The following APLP1 variants were observed in gnomAD, a reference collection of about 807,000 sequenced individuals.
APLP1 encodes the protein amyloid beta (A4) precursor-like protein 1.
Under a neutral mutation model 84.5 loss-of-function variants are expected in APLP1, and 46 were observed. The ratio of observed to expected loss-of-function variants is 0.54; its 90% CI spans 0.43 to 0.70. The LOEUF (loss-of-function observed/expected upper bound fraction) is 0.70, where lower values mean the gene tolerates loss of function less well. APLP1 is among the 30% of genes least tolerant of loss of function. The pLI is 0.00. For missense variants in APLP1, 826 were observed against 900.2 expected (o/e 0.92, Z 1.05); for synonymous variants, 376 against 364.0 (o/e 1.03, Z -0.38).
chr19:35,875,637 T>G (rs1309864860), intron 10 of APLP1, among the ~76,000 whole-genome samples: 3 of 152,132 alleles, frequency 2.0e-5, no homozygotes, highest in Admixed American at 6.5e-5. Flanking sequence ...AATTTTTGTA[T>G]TTTTGGTAGA....
intron 12 of APLP1, 113 bp from the exon 13 acceptor site, chr19:35,877,969 C>T (rs1167570241): frequency 2.2e-6 from 3 of 1,366,180 alleles, no homozygotes; most frequent in Non-Finnish European, 3.1e-6. Context: ...GCAGGGGCCT[C>T]TGTAGGATCC....
chr19:35,871,870 C>A lies in APLP1; in HGVS notation c.684C>A (p.Thr228=), dbSNP rs1249496534. ...CCTGCTCCCTCAGTGACCCCTCCAC[C>A]CGGTCCTGGCCCCCGGGGAGCAGAG... The part of the protein sequence containing the change: ...PSGTAVGDPS[T]RSWPPGSRVE... Residue 228 remains threonine (T), a synonymous_variant, in exon 6 of 17, where the codon ACC becomes ACA. Transcript: ENST00000221891. The A allele has an allele frequency of 1.9e-6, 3 of 1,613,886 alleles. No individual in the cohort carries two copies. Among genetic ancestry groups the A allele is most frequent in the Admixed American group, 3.3e-5 (2 of 59,986 alleles).
intron 5 of APLP1, 51 bp downstream of exon 5, chr19:35,871,796 G>A (rs1008550053): frequency 6.2e-7 from 1 of 1,613,424 alleles, no homozygotes; most frequent in Middle Eastern, 1.7e-4. Context: ...TGAGGCAGGG[G>A]ATGGAAGCCT....
In APLP1 at chr19:35,871,364, C is replaced by T. The variant is rs776573805; in HGVS notation, c.537+15C>T. On this transcript the variant is annotated intron_variant, in intron 4 of 16. Transcript: ENST00000221891. ...AGGCACAGGAGGTCAGGACGTTGGCCCACCCGTCCCCAGCCCCCACAACCC... is the reference window on the plus strand; with the variant it reads ...AGGCACAGGAGGTCAGGACGTTGGCTCACCCGTCCCCAGCCCCCACAACCC... The T allele has an allele frequency of 3.8e-6, 6 of 1,586,552 alleles. No individual in the cohort carries two copies. The African/African-American group carries it at 8.1e-5, about 21-fold the overall frequency.
chr19:35,872,533 C>T lies in APLP1; in HGVS notation c.901C>T (p.Pro301Ser). ...TDGVDIYFGM[P>S]GEISEHEGFL... Reference sequence around the variant, plus strand: ...CGGTGTGGATATTTACTTTGGCATGCCTGGGGAAATCAGTGAGCACGAGGG... The same window carrying T: ...CGGTGTGGATATTTACTTTGGCATGTCTGGGGAAATCAGTGAGCACGAGGG... The change falls in exon 7 of 17, where the codon CCT (proline) becomes TCT (serine). Residue 301 changes from proline (P) to serine (S), a missense_variant. Transcript: ENST00000221891. The T allele has an allele frequency of 6.2e-7, 1 of 1,613,838 alleles. No individual in the cohort carries two copies. Among genetic ancestry groups the T allele is most frequent in the Non-Finnish European group, 8.5e-7 (1 of 1,179,916 alleles).
chr19:35,877,000 A>T (rs912591890), intron 11 of APLP1, among the ~76,000 whole-genome samples: 12 of 152,156 alleles, frequency 7.9e-5, no homozygotes, highest in African/African-American at 2.9e-4. Context: ...GCTCTCTAAG[A>T]CATCACAGTG....
At chr19:35,871,157 G>A in intron 3 of APLP1, 80 bp from the exon 4 acceptor site, 2 of 1,541,618 alleles carry the variant, frequency 1.3e-6, no homozygotes, top group East Asian at 2.4e-5. Context: ...AAGCCTCTGA[G>A]GATAAAATAT....
rs111419351 is a variant in APLP1 at position 35,871,647 on chromosome 19, G to A, written c.573G>A (p.Ser191=). The change falls in exon 5 of 17, where the codon TCG becomes TCA. Residue 191 remains serine, a synonymous_variant. Transcript: ENST00000221891. ...CSSQGLILHG[S]GMLLPCGSDR... ...CCCAGGGCCTCATCCTGCACGGCTC[G>A]GGCATGCTCTTACCCTGTGGCTCGG... The A allele has an allele frequency of 5.0e-5, 80 of 1,613,934 alleles. No individual in the cohort carries two copies. Among genetic ancestry groups the A allele is most frequent in the African/African-American group, 2.8e-4 (21 of 74,992 alleles).
At chr19:35,872,326 C>T (rs1270207013) in intron 6 of APLP1, among the ~76,000 whole-genome samples, 157 bp from the exon 7 acceptor site, 3 of 152,018 alleles carry the variant, frequency 2.0e-5, no homozygotes, top group African/African-American at 7.3e-5. Context: ...AGAACAGGCC[C>T]AGTCCAGAAC....
In APLP1 at chr19:35,877,836, C is replaced by A; in HGVS notation, c.1552+11C>A. On this transcript the variant is annotated intron_variant, in intron 12 of 16. Transcript: ENST00000221891. ...CAGATTCCAAGGATGGTGAGTGAGCCCACATATAGATGACCCCAGACATTA... is the reference window on the plus strand; with the variant it reads ...CAGATTCCAAGGATGGTGAGTGAGCACACATATAGATGACCCCAGACATTA... The A allele has an allele frequency of 6.2e-7, 1 of 1,600,816 alleles. No homozygotes were observed. Among genetic ancestry groups the A allele is most frequent in the Non-Finnish European group, 8.5e-7 (1 of 1,171,606 alleles).
At chr19:35,871,204 AGGATCTCACCCT>A in intron 3 of APLP1, 21 bp from the exon 4 acceptor site, 1 of 1,599,832 alleles carries the variant, frequency 6.3e-7, no homozygotes, top group Non-Finnish European at 8.5e-7. Context: ...TGGCTATAGG[AGGATCTCACCCT>A]GGTGTCCCGT....
At position 35,877,807 on chromosome 19, in the gene APLP1, C is replaced by T. The variant is rs767935699; in HGVS notation, c.1534C>T (p.Pro512Ser). 1 of 1,610,486 alleles carries T rather than the reference C, an allele frequency of 6.2e-7. No individual in the cohort carries two copies. Among genetic ancestry groups the T allele is most frequent in the Non-Finnish European group, 8.5e-7 (1 of 1,178,982 alleles). ...CAGCGAGGACAAGGGTGGGCTGCAGCCTCCAGATTCCAAGGATGGTGAGTG... is the reference window on the plus strand; with the variant it reads ...CAGCGAGGACAAGGGTGGGCTGCAGTCTCCAGATTCCAAGGATGGTGAGTG... ...GSSEDKGGLQ[P>S]PDSKDADTPM... The change falls in exon 12 of 17, where the codon CCT becomes TCT. Residue 512 changes from proline to serine, a missense_variant. Physicochemically the swap from Pro to Ser is moderately conservative, Grantham distance 74. Around this residue, in one of 3 missense-constraint regions of APLP1, gnomAD observed 433 missense variants for 496.5 expected, o/e 0.87. Transcript: ENST00000221891.
chr19:35,875,329 T>C (rs1974258340), intron 10 of APLP1, among the ~76,000 whole-genome samples: 1 of 100,176 alleles, frequency 1.0e-5, no homozygotes, highest in South Asian at 2.7e-4. Context: ...ACTGGGCTAA[T>C]TTTTTTTTTT....
rs1168647836 is a variant in APLP1 at position 35,868,900 on chromosome 19, C to T, written c.147+117C>T. The stretch of plus-strand genomic sequence containing the variant: ...TCTTTCCAGCCAGGTGGTCAGCCCC[C>T]AGGCGCCCCCAATCACATTTATGAA... On this transcript the variant is annotated intron_variant, in intron 1 of 16. Coordinates refer to ENST00000221891, the MANE Select transcript of APLP1 (RefSeq NM_001024807.3). This position sits in a 1 kb window ranked among gnomAD's most constrained non-coding sequence, Gnocchi z 5.2. The T allele has an allele frequency of 1.1e-6, 1 of 916,752 alleles. No individual in the cohort carries two copies. The highest frequency in any genetic ancestry group is 1.4e-6 in the Non-Finnish European group (1 of 692,722). 56.8% of individuals were successfully genotyped at this position (916,752 alleles called of 1,614,324 possible).
At chr19:35,876,700 T>C in intron 11 of APLP1, 84 bp downstream of exon 11, 1 of 1,128,754 alleles carries the variant, frequency 8.9e-7, no homozygotes, top group Admixed American at 2.8e-5. Context: ...CCAATTTCAT[T>C]TATTCCTCTA....
intron 11 of APLP1, among the ~76,000 whole-genome samples, chr19:35,877,335 A>G (rs1327685056): frequency 6.6e-6 from 1 of 152,022 alleles, no homozygotes; most frequent in East Asian, 1.9e-4. Flanking sequence ...CTAAAAATAC[A>G]AAAATCAGCC....
chr19:35,872,103 C>A, intron 6 of APLP1, 67 bp downstream of exon 6: 1 of 1,547,274 alleles, frequency 6.5e-7, no homozygotes, highest in Non-Finnish European at 8.7e-7. Flanking sequence ...GGGAGTCTTG[C>A]TGGGGGGTGT....
intron 8 of APLP1, 65 bp downstream of exon 8, chr19:35,873,778 T>C (rs1974216725): frequency 6.7e-7 from 1 of 1,491,192 alleles, no homozygotes; most frequent in Admixed American, 1.9e-5. Flanking sequence ...CAGTTTCACC[T>C]GGCTCTGGCT....
chr19:35,872,922 C>G (rs537372741), intron 7 of APLP1, among the ~76,000 whole-genome samples: 1 of 150,986 alleles, frequency 6.6e-6, no homozygotes, highest in African/African-American at 2.4e-5. Flanking sequence ...TGCAATGGTG[C>G]GATCTCGGCC....
Sources: allele counts gnomAD v4.1 joint callset (sites outside exome capture counted in the v4.1 genomes callset), GRCh38; gene constraint gnomAD v4.1.1; regional missense constraint gnomAD v4.1.1; non-coding constraint Gnocchi (gnomAD v3.1); transcripts MANE v1.5; gene names NCBI Gene and HGNC (gene_info 2026-07-23, HGNC 2026-07-21).